The following SLC24A2 variants were observed in gnomAD, a reference collection of about 807,000 sequenced individuals.
SLC24A2 encodes solute carrier family 24 member 2, also known as sodium/potassium/calcium exchanger 2.
In SLC24A2, 36 loss-of-function variants were observed where a neutral mutation model predicts 62.0. The observed-to-expected ratio is 0.58, with a 90% CI of 0.44 to 0.77. SLC24A2 has a LOEUF of 0.77. SLC24A2 is among the 30% of genes least tolerant of loss of function. SLC24A2 has a pLI of 0.00. For synonymous variants in SLC24A2, 358 were observed against 294.0 expected, an observed-to-expected ratio of 1.22 and a Z score of -2.23; for missense variants, 846 against 817.9, an observed-to-expected ratio of 1.03 and a Z score of -0.42.
the SLC24A2 span, among the ~76,000 whole-genome samples, chr9:20,147,560 T>C: frequency 1.3e-5 from 2 of 152,140 alleles, no homozygotes; most frequent in Non-Finnish European, 2.9e-5. Flanking sequence ...CCAATGTAGA[T>C]ATGCCGTAAA....
chr9:19,773,146 G>T (rs767540366), intron 2 of SLC24A2, among the ~76,000 whole-genome samples: 15 of 152,208 alleles, frequency 9.9e-5, no homozygotes, highest in Non-Finnish European at 1.9e-4. Context: ...AGTGGCTACT[G>T]GGGGCTGGGC....
chr9:19,961,026 GTGTGTGTGTGT>G, the SLC24A2 span, among the ~76,000 whole-genome samples: 1 of 139,588 alleles, frequency 7.2e-6, no homozygotes, highest in African/African-American at 2.8e-5. Context: ...AGGGGTGGGT[GTGTGTGTGTGT>G]GTGTGTGTGT....
Position 19,513,153 on chromosome 9 carries a change from G to GAGATATATAT in SLC24A2, c.*2999_*3000insATATATATCT, listed in dbSNP as rs1434610409. 1.2e-5 allele frequency: 1 copy of GAGATATATAT among 80,592 alleles called. No homozygotes were observed. Among genetic ancestry groups the GAGATATATAT allele is most frequent in the Non-Finnish European group, 2.5e-5 (1 of 40,260 alleles). The allele number at this position is 80,592 out of a possible 1,614,324, so 5.0% of individuals were successfully genotyped here. On this transcript the variant is annotated 3_prime_UTR_variant, in exon 11 of 11. Transcript: ENST00000341998. ...TGTGTACATATAGATCTGGTATAAA[G>GAGATATATAT]ATATATATATATATATATATATGTA...
intron 9 of SLC24A2, among the ~76,000 whole-genome samples, chr9:19,521,847 T>G (rs1340384246): frequency 6.6e-6 from 1 of 151,106 alleles, no homozygotes; most frequent in Non-Finnish European, 1.5e-5. Context: ...AAGGGGAGGG[T>G]GGCTATTACT....
the SLC24A2 span, among the ~76,000 whole-genome samples, chr9:20,217,405 A>G: frequency 2.0e-5 from 3 of 152,184 alleles, no homozygotes; most frequent in Admixed American, 6.6e-5. Context: ...TACTGGCTAC[A>G]CTGATGTGTT....
chr9:20,227,717 C>T, the SLC24A2 span, among the ~76,000 whole-genome samples: 1 of 152,078 alleles, frequency 6.6e-6, no homozygotes, highest in East Asian at 1.9e-4. Flanking sequence ...GTTCAATAGC[C>T]ACCTGAGCTC....
At chr9:19,829,365 T>C in the SLC24A2 span, among the ~76,000 whole-genome samples, 1 of 152,118 alleles carries the variant, frequency 6.6e-6, no homozygotes, top group South Asian at 2.1e-4. Context: ...CATTGGGTGG[T>C]TGAGAAGACT....
intron 8 of SLC24A2, among the ~76,000 whole-genome samples, chr9:19,541,931 T>A (rs1225200605): frequency 6.6e-6 from 1 of 152,228 alleles, no homozygotes. Flanking sequence ...CAAGCCGGTC[T>A]GAAAAGCGCA....
chr9:19,913,113 C>T, the SLC24A2 span, among the ~76,000 whole-genome samples: 1 of 152,154 alleles, frequency 6.6e-6, no homozygotes, highest in African/African-American at 2.4e-5. Flanking sequence ...ATTCTCACAT[C>T]ATTTTACATA....
chr9:19,678,203 C>G (rs996974067), intron 2 of SLC24A2, among the ~76,000 whole-genome samples: 5 of 152,170 alleles, frequency 3.3e-5, no homozygotes, highest in Non-Finnish European at 5.9e-5. Context: ...AACGGAAGCC[C>G]TCCATGGCTG....
chr9:19,775,020 C>T (rs2118906316), intron 2 of SLC24A2, among the ~76,000 whole-genome samples: 1 of 152,282 alleles, frequency 6.6e-6, no homozygotes, highest in African/African-American at 2.4e-5. Flanking sequence ...GGGCAAAGTG[C>T]CTGGCCCAGG....
At chr9:19,940,296 C>A in the SLC24A2 span, among the ~76,000 whole-genome samples, 2 of 152,164 alleles carry the variant, frequency 1.3e-5, no homozygotes, top group African/African-American at 2.4e-5. Flanking sequence ...GCCAACTGTT[C>A]CATATAAGCC....
chr9:19,650,058 T>A (rs535892976), intron 2 of SLC24A2, among the ~76,000 whole-genome samples: 1 of 152,280 alleles, frequency 6.6e-6, no homozygotes, highest in South Asian at 2.1e-4. Context: ...TAAACCTTGA[T>A]CCTCATAGGG....
chr9:20,174,692 A>T, the SLC24A2 span, among the ~76,000 whole-genome samples: 2 of 151,972 alleles, frequency 1.3e-5, no homozygotes, highest in Admixed American at 6.6e-5. Context: ...AACAAAAATT[A>T]AAAAATAATA....
At chr9:19,891,242 C>A in the SLC24A2 span, among the ~76,000 whole-genome samples, 24 of 152,286 alleles carry the variant, frequency 1.6e-4, no homozygotes, top group Admixed American at 7.8e-4. Flanking sequence ...CAGAGGGAGC[C>A]ACAGAAAATA....
chr9:20,115,327 G>C, the SLC24A2 span, among the ~76,000 whole-genome samples: 1 of 152,002 alleles, frequency 6.6e-6, no homozygotes, highest in African/African-American at 2.4e-5. Context: ...TGGAGATTTC[G>C]GGCAGGAGAT....
chr9:19,823,896 A>AAT, the SLC24A2 span, among the ~76,000 whole-genome samples: 1 of 152,206 alleles, frequency 6.6e-6, no homozygotes, highest in Non-Finnish European at 1.5e-5. Context: ...ATCTTTGACA[A>AAT]ATGTGACAAA....
the SLC24A2 span, among the ~76,000 whole-genome samples, chr9:20,235,196 C>T: frequency 1.3e-5 from 2 of 152,234 alleles, no homozygotes; most frequent in African/African-American, 4.8e-5. Context: ...AGGAGGCAGT[C>T]TGCCTGTTCT....
intron 2 of SLC24A2, among the ~76,000 whole-genome samples, chr9:19,778,599 C>G (rs745537798): frequency 6.6e-6 from 1 of 152,222 alleles, no homozygotes; most frequent in East Asian, 1.9e-4. Flanking sequence ...CTCGCTCATA[C>G]GGGTTTGCAG....
Sources: allele counts gnomAD v4.1 joint callset (sites outside exome capture counted in the v4.1 genomes callset), GRCh38; gene constraint gnomAD v4.1.1; transcripts MANE v1.5; gene names NCBI Gene and HGNC (gene_info 2026-07-23, HGNC 2026-07-21).